The following NLRP12 variants were observed in gnomAD, a reference collection of about 807,000 sequenced individuals.
NLRP12 encodes the protein NLR family pyrin domain containing 12.
In NLRP12, 108 loss-of-function variants were observed where a neutral mutation model predicts 91.2. The ratio of observed to expected loss-of-function variants is 1.18; its 90% CI spans 1.01 to 1.39. NLRP12 has a LOEUF of 1.39. NLRP12 is among the 40% of genes most tolerant of loss of function. The pLI is 0.00. For synonymous variants in NLRP12, 613 were observed against 566.7 expected, an observed-to-expected ratio of 1.08 and a Z score of -1.16; for missense variants, 1,530 against 1,352.7, an observed-to-expected ratio of 1.13 and a Z score of -2.06.
chr19:53,812,268 C>A (rs1287670534), intron 2 of NLRP12, among the ~76,000 whole-genome samples: 2 of 151,902 alleles, frequency 1.3e-5, no homozygotes, highest in African/African-American at 4.8e-5. Flanking sequence ...CCATGCCTGG[C>A]TGTGCTTCTC....
intron 8 of NLRP12, 140 bp from the exon 9 acceptor site, chr19:53,796,169 C>T (rs766390794): frequency 2.1e-5 from 16 of 764,768 alleles, no homozygotes; most frequent in South Asian, 7.3e-5. Flanking sequence ...CAGGTTCAAG[C>T]GATTCTCCTG....
intron 1 of NLRP12, among the ~76,000 whole-genome samples, chr19:53,822,274 G>A (rs185036007): frequency 2.0e-5 from 3 of 152,092 alleles, no homozygotes; most frequent in Non-Finnish European, 4.4e-5. Context: ...GTGTGTGTAC[G>A]TAAATTAGAA....
At position 53,809,916 on chromosome 19, in the gene NLRP12, C is replaced by G. The variant is rs762543085; in HGVS notation, c.1743G>C (p.Trp581Cys). ...CCATCTTGATGTGCGGCGAGACCTT[C>G]CAGCAGAGACTCTTCTCCAGGTGGC... ...TRSHLEKSLC[W>C]KVSPHIKMDL... The change falls in exon 3 of 10, where the codon TGG becomes TGC. Residue 581 changes from tryptophan (W) to cysteine (C), a missense_variant. Physicochemically the swap from Trp to Cys is radical, Grantham distance 215. Coordinates refer to ENST00000324134, the MANE Select transcript of NLRP12 (RefSeq NM_144687.4). 6.2e-7 allele frequency: 1 copy of G among 1,614,092 alleles called. No individual in the cohort carries two copies. The highest frequency in any genetic ancestry group is 1.7e-5 in the Admixed American group (1 of 60,002).
At chr19:53,801,165 C>G in intron 7 of NLRP12, 62 bp downstream of exon 7, 1 of 1,521,116 alleles carries the variant, frequency 6.6e-7, no homozygotes. Context: ...TCCGTGGTCC[C>G]AGGTGAGAGG....
chr19:53,798,802 T>G (rs1285651142), intron 7 of NLRP12, among the ~76,000 whole-genome samples: 1 of 151,554 alleles, frequency 6.6e-6, no homozygotes, highest in Non-Finnish European at 1.5e-5. Context: ...AGTGCAATGG[T>G]GCAATCTCGG....
At chr19:53,801,094 CAAAAAA>C in intron 7 of NLRP12, 127 bp downstream of exon 7, 1 of 652,430 alleles carries the variant, frequency 1.5e-6, no homozygotes, top group South Asian at 1.7e-5. Flanking sequence ...TTGGGAGTCT[CAAAAAA>C]AAAAAAAAAA....
At chr19:53,798,135 T>G (rs1245039388) in intron 8 of NLRP12, 108 bp downstream of exon 8, 1 of 1,215,664 alleles carries the variant, frequency 8.2e-7, no homozygotes, top group Non-Finnish European at 1.2e-6. Context: ...GCTACCTGAA[T>G]CTTTTGTAGT....
chr19:53,818,950 G>A lies in NLRP12; in HGVS notation c.290-3962C>T, dbSNP rs948994199. 1.1e-4 allele frequency among the ~76,000 whole-genome samples: 17 copies of A among 152,202 alleles called. No homozygotes were observed. The East Asian group carries it at 1.6e-3, about 14-fold the overall frequency. On this transcript the variant is annotated intron_variant, in intron 1 of 9. Coordinates refer to ENST00000324134, the MANE Select transcript of NLRP12 (RefSeq NM_144687.4). ...TACAGATGGAGATGGAGGCCCAGGG[G>A]CATATCGATTCTCCAGCATCACACA...
intron 2 of NLRP12, among the ~76,000 whole-genome samples, chr19:53,813,325 CAG>C (rs1488811949): frequency 4.8e-5 from 4 of 83,602 alleles, no homozygotes; most frequent in South Asian, 7.7e-4. Flanking sequence ...TTTTTTGAGA[CAG>C]AGTCTTGCTC....
At chr19:53,802,304 G>T (rs187580681) in intron 6 of NLRP12, among the ~76,000 whole-genome samples, 1 of 152,074 alleles carries the variant, frequency 6.6e-6, no homozygotes, top group Non-Finnish European at 1.5e-5. Flanking sequence ...TGTACAAATG[G>T]CCAAAAAGCA....
chr19:53,823,436 A>AAT (rs1258049748), intron 1 of NLRP12, among the ~76,000 whole-genome samples: 3,270 of 122,402 alleles, frequency 0.027, 57 homozygotes, highest in Non-Finnish European at 0.04. Flanking sequence ...ATATATTTAA[A>AAT]ATATATGTTT....
chr19:53,813,146 GCTGGAATTA>G (rs1599849292), intron 2 of NLRP12, among the ~76,000 whole-genome samples: 1 of 151,942 alleles, frequency 6.6e-6, no homozygotes, highest in South Asian at 2.1e-4. Flanking sequence ...CTCTCAAAGT[GCTGGAATTA>G]CAGACGTGAG....
At chr19:53,796,106 T>C (rs2091754309) in intron 8 of NLRP12, 77 bp from the exon 9 acceptor site, 1 of 1,405,318 alleles carries the variant, frequency 7.1e-7, no homozygotes. Flanking sequence ...TCACCCTGTC[T>C]CCCAGGCTGG....
At chr19:53,797,655 G>C (rs1025920858) in intron 8 of NLRP12, among the ~76,000 whole-genome samples, 4 of 152,064 alleles carry the variant, frequency 2.6e-5, no homozygotes, top group African/African-American at 9.7e-5. Flanking sequence ...GACCTCAGGT[G>C]ATCCACCCGC....
chr19:53,823,037 G>T (rs952296844), intron 1 of NLRP12, among the ~76,000 whole-genome samples: 1 of 150,586 alleles, frequency 6.6e-6, no homozygotes, highest in African/African-American at 2.4e-5. Flanking sequence ...CAAAGTGCTG[G>T]GATTATAGGT....
At chr19:53,817,119 G>A (rs1481733151) in intron 1 of NLRP12, among the ~76,000 whole-genome samples, 11 of 150,538 alleles carry the variant, frequency 7.3e-5, no homozygotes, top group South Asian at 2.1e-4. Context: ...GTGAAACCCC[G>A]TCTCTACTAA....
rs773246978 is a variant in NLRP12, at chr19:53,794,065, A to G, written c.3170T>C (p.Leu1057Ser). The change falls in exon 10 of 10, where the codon TTG (leucine) becomes TCG (serine). Residue 1057 changes from leucine to serine, a missense_variant. Physicochemically the swap from Leu to Ser is moderately radical, Grantham distance 145 (BLOSUM62 -2). Transcript: ENST00000324134. ...LAALRVTKPY[L>S]DIGC is the part of the protein sequence containing the mutation. ...TAGGACCATTCAGCAGCCAATGTCC[A>G]AATAAGGTTTTGTTACTCGAAGCGC... 2.5e-6 allele frequency: 4 copies of G among 1,613,470 alleles called. No individual in the cohort carries two copies. In the East Asian group the frequency reaches 8.9e-5, roughly 36 times the overall value.
At chr19:53,796,895 GAGGCAGGAATTGCTTGAACCCGGGAGGT>G (rs2091773708) in intron 8 of NLRP12, among the ~76,000 whole-genome samples, 1 of 33,668 alleles carries the variant, frequency 3.0e-5, no homozygotes, top group Non-Finnish European at 6.4e-5. Context: ...TCGGGAGGCT[GAGGCAGGAATTGCTTGAACCCGGGAGGT>G]GGAGGTTGCA....
In NLRP12 at chr19:53,824,144, A is replaced by G. The variant is rs1224418206; in HGVS notation, c.31T>C (p.Cys11Arg). 1.2e-6 allele frequency: 2 copies of G among 1,614,152 alleles called. No homozygotes were observed. The highest frequency in any genetic ancestry group is 2.2e-5 in the South Asian group (2 of 91,086). The change falls in exon 1 of 10, where the codon TGT (cysteine) becomes CGT (arginine). Residue 11 changes from cysteine (C) to arginine (R), a missense_variant. Cys to Arg is a radical substitution (Grantham distance 180). Coordinates refer to ENST00000324134, the MANE Select transcript of NLRP12 (RefSeq NM_144687.4). MLRTAGRDGL[C>R]RLSTYLEELE... ...TCTTCCAAGTAGGTGGACAGGCGAC[A>G]GAGGCCGTCCCTGCCTGCGGTTCGT...
Sources: gnomAD v4.1 joint callset for allele counts (sites outside exome capture counted in the v4.1 genomes callset) on GRCh38, gnomAD v4.1.1 for gene constraint, MANE v1.5 for transcripts, NCBI Gene and HGNC (gene_info 2026-07-23, HGNC 2026-07-21) for gene names.